Variants in NRG3 observed in about 807,000 individuals in gnomAD.
NRG3 encodes pro-neuregulin-3, membrane-bound isoform.
In NRG3, 31 loss-of-function variants were observed where a neutral mutation model predicts 66.9. The ratio of observed to expected loss-of-function variants is 0.46; its 90% CI spans 0.35 to 0.63. The LOEUF is 0.63. Ranked by LOEUF, NRG3 falls within the 20% of genes least tolerant of loss-of-function variation. The pLI is 0.00. For missense variants in NRG3, 910 were observed against 878.9 expected (o/e 1.04, Z -0.45); for synonymous variants, 393 against 359.4 (o/e 1.09, Z -1.06).
At chr10:82,591,852 A>G (rs1252318793) in intron 2 of NRG3, among the ~76,000 whole-genome samples, 1 of 152,170 alleles carries the variant, frequency 6.6e-6, no homozygotes, top group Admixed American at 6.5e-5. Flanking sequence ...TTATTCATTC[A>G]GTTACTTCTA....
At chr10:82,704,290 G>A (rs143903972) in intron 2 of NRG3, among the ~76,000 whole-genome samples, 391 of 151,998 alleles carry the variant, frequency 2.6e-3, no homozygotes, top group Non-Finnish European at 4.6e-3. Context: ...TCTATTTCCC[G>A]ATTAAATGTT....
intron 3 of NRG3, among the ~76,000 whole-genome samples, chr10:82,782,827 A>G (rs1362615566): frequency 1.3e-5 from 2 of 152,218 alleles, no homozygotes; most frequent in Non-Finnish European, 1.5e-5. Context: ...CGATCAATAG[A>G]AAAAGAGGGA....
At chr10:82,655,371 A>G (rs1299382338) in intron 2 of NRG3, among the ~76,000 whole-genome samples, 1 of 152,174 alleles carries the variant, frequency 6.6e-6, no homozygotes, top group Non-Finnish European at 1.5e-5. Context: ...AAATCAAAGG[A>G]TCAATAAAAA....
At chr10:82,535,770 GA>G (rs1252241651) in intron 2 of NRG3, among the ~76,000 whole-genome samples, 1 of 152,136 alleles carries the variant, frequency 6.6e-6, no homozygotes, top group Non-Finnish European at 1.5e-5. Flanking sequence ...TATATTTCAA[GA>G]TTAACATACT....
At chr10:82,444,934 G>A (rs768805005) in intron 2 of NRG3, among the ~76,000 whole-genome samples, 2 of 152,148 alleles carry the variant, frequency 1.3e-5, no homozygotes, top group Non-Finnish European at 2.9e-5. Flanking sequence ...CTGAATGCAC[G>A]TAACATGTGA....
chr10:81,952,606 G>T (rs1564685757), intron 1 of NRG3, among the ~76,000 whole-genome samples: 2 of 151,906 alleles, frequency 1.3e-5, no homozygotes, highest in Non-Finnish European at 2.9e-5. Flanking sequence ...TCATTCCTGG[G>T]TTTTTTTGTT....
chr10:82,161,079 A>C (rs2071558136), intron 1 of NRG3, among the ~76,000 whole-genome samples: 1 of 152,014 alleles, frequency 6.6e-6, no homozygotes, highest in African/African-American at 2.4e-5. Context: ...CTGGGAAAGA[A>C]CAAGGTATAG....
chr10:82,712,573 C>T (rs931418036), intron 2 of NRG3, among the ~76,000 whole-genome samples: 1 of 152,236 alleles, frequency 6.6e-6, no homozygotes, highest in Admixed American at 6.5e-5. Flanking sequence ...TCTCAGGAGA[C>T]GCTGCTGCTG....
intron 2 of NRG3, among the ~76,000 whole-genome samples, chr10:82,726,627 T>G (rs1240244156): frequency 2.0e-5 from 3 of 152,150 alleles, no homozygotes; most frequent in Non-Finnish European, 4.4e-5. Context: ...CTTTTGTAAA[T>G]TGCCCAGTCT....
chr10:81,891,839 G>A (rs1843034268), intron 1 of NRG3, among the ~76,000 whole-genome samples: 2 of 152,158 alleles, frequency 1.3e-5, no homozygotes, highest in African/African-American at 4.8e-5. Context: ...TGTTGGACAA[G>A]ATGTGGCAAA....
chr10:82,737,351 AT>A (rs538320603), intron 2 of NRG3, among the ~76,000 whole-genome samples: 58 of 152,276 alleles, frequency 3.8e-4, no homozygotes, highest in African/African-American at 1.4e-3. Flanking sequence ...ACCTAGATGC[AT>A]TTCAATGTTG....
chr10:82,078,117 T>TA (rs957071381), intron 1 of NRG3, among the ~76,000 whole-genome samples: 15 of 151,970 alleles, frequency 9.9e-5, no homozygotes, highest in Admixed American at 7.2e-4. Flanking sequence ...AGTTGAAAAT[T>TA]AAAAAAAAAT....
intron 2 of NRG3, among the ~76,000 whole-genome samples, chr10:82,432,275 C>T (rs1170634900): frequency 6.6e-6 from 1 of 152,030 alleles, no homozygotes; most frequent in East Asian, 1.9e-4. Context: ...TTCCTCCTCT[C>T]AAACAGTCTA....
intron 2 of NRG3, among the ~76,000 whole-genome samples, chr10:82,638,666 G>A (rs1310660181): frequency 6.8e-6 from 1 of 147,180 alleles, no homozygotes; most frequent in African/African-American, 2.5e-5. Flanking sequence ...TTTTTCTTTT[G>A]AGACGGAGTC....
intron 2 of NRG3, among the ~76,000 whole-genome samples, chr10:82,623,196 G>C (rs931285999): frequency 6.6e-6 from 1 of 152,104 alleles, no homozygotes; most frequent in Non-Finnish European, 1.5e-5. Context: ...TATAAAACTT[G>C]ATACTTTGGG....
intron 1 of NRG3, among the ~76,000 whole-genome samples, chr10:81,947,459 CA>C (rs1176952643): frequency 6.6e-6 from 1 of 152,150 alleles, no homozygotes; most frequent in Admixed American, 6.6e-5. Flanking sequence ...TGTCATCTGA[CA>C]GAATTTTCAT....
chr10:82,578,962 A>T (rs1164491142), intron 2 of NRG3, among the ~76,000 whole-genome samples: 2 of 151,882 alleles, frequency 1.3e-5, no homozygotes, highest in Non-Finnish European at 2.9e-5. Flanking sequence ...TCAAGAATAT[A>T]AAAAGGACCA....
chr10:82,816,541 C>T (rs938492917), intron 3 of NRG3, among the ~76,000 whole-genome samples: 3 of 152,204 alleles, frequency 2.0e-5, no homozygotes, highest in African/African-American at 4.8e-5. Flanking sequence ...CCATGGGCAG[C>T]CATGGGTGGG....
At chr10:82,544,491 T>C (rs2043758094) in intron 2 of NRG3, among the ~76,000 whole-genome samples, 1 of 152,160 alleles carries the variant, frequency 6.6e-6, no homozygotes, top group South Asian at 2.1e-4. Context: ...CATGACTTGA[T>C]TTAGCCAATG....
Sources: allele counts gnomAD v4.1 joint callset (sites outside exome capture counted in the v4.1 genomes callset), GRCh38; gene constraint gnomAD v4.1.1; transcripts MANE v1.5; gene names NCBI Gene and HGNC (gene_info 2026-07-23, HGNC 2026-07-21).